VPS50: variants seen among roughly 807,000 people sequenced by gnomAD.
VPS50 encodes the protein syndetin.
VPS50 carries 70 observed loss-of-function variants against 139.7 expected under a neutral mutation model. That is an observed-to-expected ratio of 0.50 (90% CI 0.41 to 0.61). The LOEUF is 0.61. VPS50 is among the 20% of genes least tolerant of loss of function. The pLI is 0.00. For synonymous variants in VPS50, 365 were observed against 376.7 expected, an observed-to-expected ratio of 0.97 and a Z score of 0.36; for missense variants, 921 against 1,133.7, an observed-to-expected ratio of 0.81 and a Z score of 2.69.
In VPS50 at chr7:93,313,901, T is replaced by A. The variant is rs146981310; in HGVS notation, c.1855+2629T>A. On this transcript the variant is annotated intron_variant, in intron 20 of 27. Coordinates refer to ENST00000305866, the MANE Select transcript of VPS50 (RefSeq NM_017667.4). ...GGAAACAATGCCGAGTATGACAATT[T>A]AACTTTTATATCTTCTCATTTAGGA... Among the ~76,000 whole-genome samples the A allele has an allele frequency of 1.7e-4, 26 of 152,324 alleles. No homozygotes were observed. In the East Asian group the frequency reaches 5.0e-3, roughly 29 times the overall value.
chr7:93,328,583 C>G (rs1369316815), intron 21 of VPS50, among the ~76,000 whole-genome samples: 1 of 152,080 alleles, frequency 6.6e-6, no homozygotes, highest in Non-Finnish European at 1.5e-5. Flanking sequence ...TAAACAGAAG[C>G]AGCAAATAGA....
At chr7:93,292,252 A>G (rs1228294985) in intron 13 of VPS50, among the ~76,000 whole-genome samples, 2 of 152,124 alleles carry the variant, frequency 1.3e-5, no homozygotes, top group African/African-American at 2.4e-5. Context: ...AGAATTAATT[A>G]TATTGATACT....
At chr7:93,344,518 C>T (rs1408121384) in intron 23 of VPS50, among the ~76,000 whole-genome samples, 1 of 152,218 alleles carries the variant, frequency 6.6e-6, no homozygotes, top group African/African-American at 2.4e-5. Flanking sequence ...CACAAATCAA[C>T]AGAACATACA....
rs781184185 is a variant in VPS50 at position 93,303,451 on chromosome 7, T to G, written c.1362-9T>G. The G allele has an allele frequency of 1.3e-6, 2 of 1,488,616 alleles. No individual in the cohort carries two copies. The highest frequency in any genetic ancestry group is 1.2e-5 in the South Asian group (1 of 82,034). 92.2% of individuals were successfully genotyped at this position (1,488,616 alleles called of 1,614,324 possible). ...TCACTTTTTGGAGTGTTCATTTTCTTTTTTTAAGAACACGGCTCGATGAAC... is the reference window on the plus strand; with the variant it reads ...TCACTTTTTGGAGTGTTCATTTTCTGTTTTTAAGAACACGGCTCGATGAAC... On this transcript the variant is annotated splice_polypyrimidine_tract_variant and intron_variant, in intron 16 of 27. Coordinates refer to ENST00000305866, the MANE Select transcript of VPS50 (RefSeq NM_017667.4).
chr7:93,304,455 T>C (rs1048023807), intron 17 of VPS50, among the ~76,000 whole-genome samples: 2 of 151,768 alleles, frequency 1.3e-5, no homozygotes, highest in Admixed American at 1.3e-4. Flanking sequence ...AATTAATAAA[T>C]GCTTTAAAGA....
Position 93,355,923 on chromosome 7 carries a change from G to A in VPS50, c.2618G>A (p.Gly873Asp). 1.2e-6 allele frequency: 2 copies of A among 1,601,448 alleles called. No homozygotes were observed. Among genetic ancestry groups the A allele is most frequent in the African/African-American group, 1.3e-5 (1 of 74,782 alleles). The change falls in exon 27 of 28, where the codon GGT (glycine) becomes GAT (aspartate). Residue 873 changes from glycine to aspartate, a missense_variant. This residue lies in a region of VPS50 where 158 missense variants were observed against 156.3 expected (regional missense o/e 1.01). Coordinates refer to ENST00000305866, the MANE Select transcript of VPS50 (RefSeq NM_017667.4). ...AATGTCAAGAAATGCAGTAATGAGG[G>A]TCGTGCCCTGATGCAATTGGATTTT... is the stretch of plus-strand genomic sequence containing the variant. Reference protein sequence around the residue: ...YANVKKCSNEGRALMQLDFQQ... With the variant: ...YANVKKCSNEDRALMQLDFQQ...
At chr7:93,260,927 C>T (rs944629260) in intron 9 of VPS50, among the ~76,000 whole-genome samples, 24 of 152,100 alleles carry the variant, frequency 1.6e-4, no homozygotes, top group African/African-American at 4.6e-4. Context: ...AACTCCACCG[C>T]GCCCAGCTTG....
chr7:93,276,656 AG>A (rs1311736581), intron 12 of VPS50, among the ~76,000 whole-genome samples: 1 of 152,158 alleles, frequency 6.6e-6, no homozygotes. Context: ...ATTTTCAACC[AG>A]TTTTTTCATG....
intron 19 of VPS50, 101 bp downstream of exon 19, chr7:93,309,043 G>T: frequency 1.9e-6 from 1 of 529,598 alleles, no homozygotes; most frequent in Non-Finnish European, 3.3e-6. Context: ...TATTTTTTTT[G>T]GTACTTATAA....
At chr7:93,350,752 C>G (rs188963674) in intron 25 of VPS50, among the ~76,000 whole-genome samples, 2 of 151,990 alleles carry the variant, frequency 1.3e-5, no homozygotes, top group Non-Finnish European at 2.9e-5. Flanking sequence ...AAGAGGAAGA[C>G]CATGTATTGT....
intron 2 of VPS50, among the ~76,000 whole-genome samples, chr7:93,251,178 G>T (rs1795314226): frequency 6.6e-6 from 1 of 152,062 alleles, no homozygotes; most frequent in African/African-American, 2.4e-5. Context: ...CTCATTATTG[G>T]GTATATACCC....
At chr7:93,238,128 A>G (rs137999128) in intron 1 of VPS50, among the ~76,000 whole-genome samples, 271 of 152,344 alleles carry the variant, frequency 1.8e-3, no homozygotes, top group African/African-American at 6.1e-3. Flanking sequence ...TATATAATGT[A>G]TATAGAAGTG....
rs192059554 is a variant in VPS50, at chr7:93,346,141, A to T, written c.2208-2570A>T. The stretch of plus-strand genomic sequence containing the variant: ...CAACTTCAGCAAAATCTCAGGATAT[A>T]AAATCAATGTACAAAAATCACAAGC... On this transcript the variant is annotated intron_variant, in intron 23 of 27. Coordinates refer to ENST00000305866, the MANE Select transcript of VPS50 (RefSeq NM_017667.4). Among the ~76,000 whole-genome samples, 501 of 152,360 alleles carry T rather than the reference A, an allele frequency of 3.3e-3. 1 individual carries two copies. Among genetic ancestry groups the T allele is most frequent in the South Asian group, 0.018 (86 of 4,826 alleles).
rs74765967 is a variant in VPS50, at chr7:93,239,760, A to C, written c.34-106A>C. The C allele has an allele frequency of 5.0e-3, 3,192 of 632,762 alleles. 69 individuals are homozygous for C. Among genetic ancestry groups the C allele is most frequent in the African/African-American group, 0.049 (2,662 of 54,610 alleles). The allele number at this position is 632,762 out of a possible 1,614,324, so 39.2% of individuals were successfully genotyped here. ...ATATCTTCCATATTTTGAAGCAGGA[A>C]AATTTCTATTTTTAAAGTGGTCATT... On this transcript the variant is annotated intron_variant, in intron 1 of 27. Coordinates refer to ENST00000305866, the MANE Select transcript of VPS50 (RefSeq NM_017667.4).
At chr7:93,249,207 T>G (rs1014066871) in intron 2 of VPS50, among the ~76,000 whole-genome samples, 2 of 152,176 alleles carry the variant, frequency 1.3e-5, no homozygotes, top group African/African-American at 4.8e-5. Context: ...ATCATGTTTT[T>G]GAAATGTACA....
chr7:93,327,340 G>A (rs1797811775), intron 21 of VPS50, among the ~76,000 whole-genome samples: 1 of 152,084 alleles, frequency 6.6e-6, no homozygotes, highest in Admixed American at 6.5e-5. Flanking sequence ...GGACAGAACA[G>A]TTCCAGACCA....
chr7:93,242,432 T>G (rs1394086917), intron 2 of VPS50, among the ~76,000 whole-genome samples: 1 of 151,910 alleles, frequency 6.6e-6, no homozygotes, highest in Non-Finnish European at 1.5e-5. Context: ...TTAAAAATGG[T>G]ATCATACTCT....
rs1307037645 is a variant in VPS50 at position 93,314,613 on chromosome 7, C to G, written c.1855+3341C>G. On this transcript the variant is annotated intron_variant, in intron 20 of 27. Transcript: ENST00000305866. ...GTCTGAGGAGCAGGAGCTAGATTAC[C>G]GAAGTCCATGCTTGTAAGAACTGCC... Among the ~76,000 whole-genome samples the G allele has an allele frequency of 2.0e-5, 3 of 152,180 alleles. No homozygotes were observed. In the East Asian group the frequency reaches 5.8e-4, roughly 29 times the overall value.
rs544466353 is a variant in VPS50, at chr7:93,232,380, T to C, written c.-88T>C. On this transcript the variant is annotated 5_prime_UTR_variant, in exon 1 of 28. The change abolishes an upstream ATG in the 5' untranslated region. Transcript: ENST00000305866. ...GGCTCCTCCACGTGACCACCCACTA[T>C]GGCTTCCTAGTGTCAGGGCCAGCTG... 22 of 1,134,442 alleles carry C rather than the reference T, an allele frequency of 1.9e-5. No individual in the cohort carries two copies. Among genetic ancestry groups the C allele is most frequent in the African/African-American group, 1.2e-4 (8 of 65,722 alleles). 70.3% of individuals were successfully genotyped at this position (1,134,442 alleles called of 1,614,324 possible).
Sources: allele counts gnomAD v4.1 joint callset (sites outside exome capture counted in the v4.1 genomes callset), GRCh38; gene constraint gnomAD v4.1.1; regional missense constraint gnomAD v4.1.1; transcripts MANE v1.5; gene names NCBI Gene and HGNC (gene_info 2026-07-23, HGNC 2026-07-21).